The following NTRK3 variants were observed in gnomAD, a reference collection of about 807,000 sequenced individuals.
The protein encoded by NTRK3 is NT-3 growth factor receptor.
NTRK3 carries 24 observed loss-of-function variants against 91.7 expected under a neutral mutation model. The observed-to-expected ratio is 0.26, with a 90% CI of 0.19 to 0.37. NTRK3 has a LOEUF of 0.37. Among genes scored for constraint, NTRK3 ranks in the 10% least tolerant of loss-of-function variants. The pLI is 1.00. For missense variants in NTRK3, 880 were observed against 1,068.9 expected (o/e 0.82, Z 2.46); for synonymous variants, 483 against 404.0 (o/e 1.20, Z -2.34).
At chr15:87,868,413 G>C (rs1172278684) in exon 19 of NTRK3, 1 of 222,722 alleles carries the variant, frequency 4.5e-6, no homozygotes, top group Non-Finnish European at 9.0e-6. Flanking sequence ...AAATACCTAA[G>C]AATATGCAAG....
chr15:88,197,222 G>A lies in NTRK3; in HGVS notation c.249-12923C>T, dbSNP rs147234951. The stretch of plus-strand genomic sequence containing the variant: ...TGACCACATCTACTCAAAAGGCTCT[G>A]TGAGGTCTTTTCTTTCTCAGATTCA... On this transcript the variant is annotated intron_variant, in intron 3 of 18. Transcript: ENST00000394480. Among the ~76,000 whole-genome samples, 9 of 150,762 alleles carry A rather than the reference G, an allele frequency of 6.0e-5. No homozygotes were observed. In the East Asian group the frequency reaches 1.8e-3, roughly 30 times the overall value.
intron 13 of NTRK3, among the ~76,000 whole-genome samples, chr15:88,075,389 A>G (rs1227534999): frequency 6.6e-6 from 1 of 152,218 alleles, no homozygotes; most frequent in Non-Finnish European, 1.5e-5. Flanking sequence ...TTATTCAGTC[A>G]GTAGATGTTT....
chr15:88,159,902 T>C (rs887296464), intron 5 of NTRK3, among the ~76,000 whole-genome samples: 1 of 147,216 alleles, frequency 6.8e-6, no homozygotes, highest in African/African-American at 2.5e-5. Flanking sequence ...CTGCACTCAA[T>C]TACAAGATGA....
intron 3 of NTRK3, among the ~76,000 whole-genome samples, chr15:88,195,658 T>A (rs114916613): frequency 1.3e-5 from 2 of 152,226 alleles, no homozygotes; most frequent in Non-Finnish European, 2.9e-5. Context: ...AAACCTCTGA[T>A]CCTTACTAGG....
intron 5 of NTRK3, among the ~76,000 whole-genome samples, chr15:88,172,004 A>G (rs2045566469): frequency 6.6e-6 from 1 of 152,148 alleles, no homozygotes; most frequent in East Asian, 1.9e-4. Context: ...ATCTTGGGAG[A>G]CCCTGTCTGC....
At chr15:88,005,890 A>G (rs182671679) in intron 14 of NTRK3, among the ~76,000 whole-genome samples, 19 of 152,314 alleles carry the variant, frequency 1.2e-4, no homozygotes, top group Admixed American at 1.2e-3. Context: ...TCACATCAAT[A>G]TGGTAAATCC....
intron 6 of NTRK3, 84 bp from the exon 7 acceptor site, chr15:88,137,645 C>A: frequency 7.0e-7 from 1 of 1,430,026 alleles, no homozygotes; most frequent in Non-Finnish European, 9.7e-7. Flanking sequence ...CAAGGGGGAC[C>A]CGACCTGTTC....
Position 87,981,440 on chromosome 15 carries a change from T to G in NTRK3, c.1586-40687A>C, listed in dbSNP as rs927993776. The G allele has an allele frequency of 6.2e-6, 10 of 1,603,012 alleles. No individual in the cohort carries two copies. In the Admixed American group the frequency reaches 1.7e-4, roughly 27 times the overall value. On this transcript the variant is annotated intron_variant, in intron 14 of 18. Coordinates refer to ENST00000394480, the Ensembl canonical transcript of NTRK3. ...CAAAAAACATGGGAAAGTATTTTTC[T>G]TAAGTGCACAATGCCAGAAACAGAA... is the stretch of plus-strand genomic sequence containing the variant.
intron 13 of NTRK3, among the ~76,000 whole-genome samples, chr15:88,040,321 G>C (rs1258568486): frequency 2.0e-5 from 3 of 152,224 alleles, no homozygotes; most frequent in Non-Finnish European, 2.9e-5. Context: ...CCAGTCCCAA[G>C]AGAGGAGCCT....
In NTRK3 at chr15:88,165,856, A is replaced by AGTGTGT. The variant is rs61276149; in HGVS notation, c.395+17556_395+17561dup. 2.7e-3 allele frequency among the ~76,000 whole-genome samples: 406 copies of AGTGTGT among 150,576 alleles called. 6 individuals carry two copies. The East Asian group carries it at 0.032, about 12-fold the overall frequency. On this transcript the variant is annotated intron_variant, in intron 5 of 18. Transcript: ENST00000394480. ...ATGACACTTGGCATGTGTTCACCTG[A>AGTGTGT]GTGTGTGTGTGTGTGTGTATGTGCA...
At chr15:87,892,351 G>A (rs1185139682) in intron 17 of NTRK3, among the ~76,000 whole-genome samples, 2 of 152,184 alleles carry the variant, frequency 1.3e-5, no homozygotes, top group African/African-American at 4.8e-5. Context: ...AAGATTGAAA[G>A]TAATTTTTGA....
intron 3 of NTRK3, among the ~76,000 whole-genome samples, chr15:88,209,726 A>G (rs2049080174): frequency 6.6e-6 from 1 of 152,248 alleles, no homozygotes; most frequent in Non-Finnish European, 1.5e-5. Flanking sequence ...TGCAAAGACC[A>G]CTACCCAGAG....
chr15:87,884,961 G>A (rs1251584738), intron 17 of NTRK3, among the ~76,000 whole-genome samples: 1 of 151,846 alleles, frequency 6.6e-6, no homozygotes, highest in Admixed American at 6.6e-5. Flanking sequence ...AAATGAGGTA[G>A]AAATATTGAA....
intron 17 of NTRK3, among the ~76,000 whole-genome samples, chr15:87,897,636 T>C (rs758633988): frequency 5.9e-5 from 9 of 152,146 alleles, no homozygotes; most frequent in Non-Finnish European, 1.3e-4. Context: ...AAGTAAACAA[T>C]GGTAGAATAC....
At chr15:88,195,582 C>A (rs1247210918) in intron 3 of NTRK3, among the ~76,000 whole-genome samples, 1 of 152,200 alleles carries the variant, frequency 6.6e-6, no homozygotes, top group Non-Finnish European at 1.5e-5. Context: ...AGGGGTGGAA[C>A]CCTTGTAGCC....
chr15:88,121,288 A>G (rs1298661882), intron 13 of NTRK3, among the ~76,000 whole-genome samples: 1 of 152,230 alleles, frequency 6.6e-6, no homozygotes, highest in Non-Finnish European at 1.5e-5. Flanking sequence ...ACGTGAAATG[A>G]TGATGGTGCA....
Position 88,134,571 on chromosome 15 carries a change from T to C in NTRK3, c.1204+530A>G, listed in dbSNP as rs553034085. ...CACAGATCAGCAAGTAGAATGAGGA[T>C]CAGGTCATTCATCCGTTAAATGGAG... is the stretch of plus-strand genomic sequence containing the variant. On this transcript the variant is annotated intron_variant, in intron 10 of 18. Transcript: ENST00000394480. Among the ~76,000 whole-genome samples, 4 of 152,278 alleles carry C rather than the reference T, an allele frequency of 2.6e-5. No homozygotes were observed. The South Asian group carries it at 8.3e-4, about 32-fold the overall frequency.
intron 13 of NTRK3, among the ~76,000 whole-genome samples, chr15:88,104,832 G>C (rs1212479938): frequency 6.6e-6 from 1 of 152,188 alleles, no homozygotes; most frequent in African/African-American, 2.4e-5. Context: ...TTATACACCT[G>C]CAAGGGCTAA....
intron 14 of NTRK3, among the ~76,000 whole-genome samples, chr15:88,018,415 G>A (rs2077386137): frequency 6.6e-6 from 1 of 152,150 alleles, no homozygotes; most frequent in South Asian, 2.1e-4. Flanking sequence ...GGTATCCCAG[G>A]TTAGTAGAAG....
Sources: allele counts gnomAD v4.1 joint callset (sites outside exome capture counted in the v4.1 genomes callset), GRCh38; gene constraint gnomAD v4.1.1; transcripts MANE v1.5; gene names NCBI Gene and HGNC (gene_info 2026-07-23, HGNC 2026-07-21).